Variants in SH3GLB2 observed in about 807,000 individuals in gnomAD.
SH3GLB2 encodes SH3 domain containing GRB2 like, endophilin B2.
Under a neutral mutation model 48.0 loss-of-function variants are expected in SH3GLB2, and 24 were observed. The ratio of observed to expected loss-of-function variants is 0.50; its 90% confidence interval spans 0.36 to 0.70. The LOEUF is 0.70. SH3GLB2 is among the 30% of genes least tolerant of loss of function. The probability of loss-of-function intolerance (pLI) is 0.00; values close to 1 mark genes in which losing one functional copy is unlikely to be tolerated. For missense variants in SH3GLB2, 425 were observed against 516.0 expected (o/e 0.82, Z 1.71); for synonymous variants, 227 against 207.6 (o/e 1.09, Z -0.80).
chr9:129,009,209 C>A lies in SH3GLB2; in HGVS notation c.977G>T (p.Cys326Phe). 6.2e-7 allele frequency: 1 copy of A among 1,608,816 alleles called. No homozygotes were observed. Among genetic ancestry groups the A allele is most frequent in the Non-Finnish European group, 8.5e-7 (1 of 1,178,210 alleles). The change falls in exon 10 of 11, where the codon TGC (cysteine) becomes TTC (phenylalanine). Residue 326 changes from cysteine to phenylalanine, a missense_variant. Physicochemically the swap from Cys to Phe is radical, Grantham distance 205. Coordinates refer to ENST00000372564, the MANE Select transcript of SH3GLB2 (RefSeq NM_020145.4). Reference protein sequence around the residue: ...SLAPPGEASLCLEEVAPPASG... With the variant: ...SLAPPGEASLFLEEVAPPASG... The stretch of plus-strand genomic sequence containing the variant: ...GGCAGGGGGGGCCACCTCTTCCAGG[C>A]AGAGCGAGGCCTCCCCCGGAGGGGC...
At chr9:129,012,511 A>C (rs1397095773) in intron 5 of SH3GLB2, 1 of 417,296 alleles carries the variant, frequency 2.4e-6, no homozygotes, top group Non-Finnish European at 4.2e-6. Context: ...ACAAAGATCA[A>C]GTGGCTGCAG....
intron 7 of SH3GLB2, 73 bp from the exon 8 acceptor site, chr9:129,010,282 T>C (rs1485758714): frequency 1.2e-5 from 16 of 1,318,608 alleles, no homozygotes; most frequent in East Asian, 2.3e-5. Context: ...TCCTGGAGCC[T>C]ACCTGGGAGC....
At position 129,015,565 on chromosome 9, in the gene SH3GLB2, G is replaced by A. The variant is rs185006941; in HGVS notation, c.335-661C>T. Among the ~76,000 whole-genome samples the A allele has an allele frequency of 8.5e-5, 13 of 152,186 alleles. No individual in the cohort carries two copies. The East Asian group carries it at 2.5e-3, about 29-fold the overall frequency. ...AGCCCGGGCAACATGGCAAAACCTT[G>A]TCTTTATAAAAAATAAATAGAAAAT... is the stretch of plus-strand genomic sequence containing the variant. On this transcript the variant is annotated intron_variant, in intron 3 of 10. Coordinates refer to ENST00000372564, the MANE Select transcript of SH3GLB2 (RefSeq NM_020145.4).
Position 129,008,693 on chromosome 9 carries a change from C to G in SH3GLB2, c.1179G>C (p.Leu393=). The change falls in exon 11 of 11, where the codon CTG becomes CTC. Residue 393 remains leucine (L), a synonymous_variant. Transcript: ENST00000372564. ...KGKVPVTYLE[L]LS The stretch of plus-strand genomic sequence containing the variant: ...GGATGGGGGCACCTGCCTAGCTGAG[C>G]AGTTCCAAGTAGGTGACAGGGACCT... 1 of 1,613,940 alleles carries G rather than the reference C, an allele frequency of 6.2e-7. No homozygotes were observed. The highest frequency in any genetic ancestry group is 8.5e-7 in the Non-Finnish European group (1 of 1,179,818).
intron 1 of SH3GLB2, among the ~76,000 whole-genome samples, chr9:129,027,351 G>A (rs1844218894): frequency 6.6e-6 from 1 of 152,182 alleles, no homozygotes. Context: ...CTGAGGCCCA[G>A]TGAGATGAAG....
At chr9:129,025,251 G>C (rs1215383134) in intron 1 of SH3GLB2, among the ~76,000 whole-genome samples, 2 of 128,108 alleles carry the variant, frequency 1.6e-5, no homozygotes, top group Non-Finnish European at 3.2e-5. Flanking sequence ...GCGTGACAGA[G>C]TGACTCCGTC....
At chr9:129,024,307 AT>A (rs1844006379) in intron 1 of SH3GLB2, among the ~76,000 whole-genome samples, 1 of 151,556 alleles carries the variant, frequency 6.6e-6, no homozygotes, top group Non-Finnish European at 1.5e-5. Flanking sequence ...TATGCCTATA[AT>A]CCCAGCACTT....
intron 3 of SH3GLB2, among the ~76,000 whole-genome samples, chr9:129,017,575 C>T (rs761992338): frequency 7.2e-5 from 11 of 151,798 alleles, no homozygotes; most frequent in Admixed American, 2.0e-4. Context: ...ACCAGCCTGG[C>T]CAACATGGTG....
chr9:129,018,603 A>G (rs1843591230), intron 3 of SH3GLB2, among the ~76,000 whole-genome samples: 1 of 144,048 alleles, frequency 6.9e-6, no homozygotes, highest in South Asian at 2.2e-4. Flanking sequence ...GTTAAGTTAA[A>G]TTTACCTGAG....
At position 129,014,428 on chromosome 9, in the gene SH3GLB2, C is replaced by T. The variant is rs1843305862; in HGVS notation, c.544G>A (p.Ala182Thr). 3.2e-6 allele frequency: 5 copies of T among 1,550,140 alleles called. No individual in the cohort carries two copies. The highest frequency in any genetic ancestry group is 4.4e-6 in the Non-Finnish European group (5 of 1,147,058). The change falls in exon 5 of 11, where the codon GCA becomes ACA. Residue 182 changes from alanine to threonine, a missense_variant. Transcript: ENST00000372564. This position sits in a 1 kb window ranked among gnomAD's most constrained non-coding sequence, Gnocchi z 4.1. Reference protein sequence around the residue: ...CKARLKKAKAAEAKATTVPDF... With the variant: ...CKARLKKAKATEAKATTVPDF... ...ACACCTACCGTGGCTTTGGCTTCTG[C>T]AGCCTTGGCCTTCTTCAGCCTCGCT...
chr9:129,009,824 G>C lies in SH3GLB2; in HGVS notation c.786C>G (p.Thr262=). The C allele has an allele frequency of 3.7e-6, 6 of 1,614,070 alleles. No individual in the cohort carries two copies. The highest frequency in any genetic ancestry group is 5.1e-6 in the Non-Finnish European group (6 of 1,179,982). Residue 262 remains threonine, a synonymous_variant, in exon 9 of 11, where the codon ACC becomes ACG. Transcript: ENST00000372564. ...CLHEFVKSQT[T]YYAQCYRHML... The stretch of plus-strand genomic sequence containing the variant: ...TGTGGCGGTAGCACTGTGCGTAGTA[G>C]GTTGTCTGAGACTTGACGAACTCGT...
intron 3 of SH3GLB2, among the ~76,000 whole-genome samples, chr9:129,017,441 G>A (rs1843495965): frequency 6.6e-6 from 1 of 152,090 alleles, no homozygotes. Context: ...CATGAAACAA[G>A]TCTCAATAAA....
chr9:129,007,758 C>CA lies in SH3GLB2; in HGVS notation c.*925dup, dbSNP rs1168313075. On this transcript the variant is annotated 3_prime_UTR_variant, in exon 11 of 11. Coordinates refer to ENST00000372564, the MANE Select transcript of SH3GLB2 (RefSeq NM_020145.4). ...ACTTCTTGTGCTTGAACTGAACTGTCAGACGCATTCTACAGTCCGCTCCAC... is the reference window on the plus strand; with the variant it reads ...ACTTCTTGTGCTTGAACTGAACTGTCAAGACGCATTCTACAGTCCGCTCCAC... 6.6e-6 allele frequency: 1 copy of CA among 152,230 alleles called. No homozygotes were observed. Among genetic ancestry groups the CA allele is most frequent in the African/African-American group, 2.4e-5 (1 of 41,442 alleles). 9.4% of individuals were successfully genotyped at this position (152,230 alleles called of 1,614,324 possible).
intron 8 of SH3GLB2, 47 bp downstream of exon 8, chr9:129,010,073 G>A (rs371542870): frequency 6.4e-7 from 1 of 1,571,488 alleles, no homozygotes; most frequent in South Asian, 1.1e-5. Context: ...GGCACACCTG[G>A]TGCCTGCTGA....
In SH3GLB2 at chr9:129,014,347, C is replaced by G. The variant is rs764161578; in HGVS notation, c.561+64G>C. 55 of 1,460,158 alleles carry G rather than the reference C, an allele frequency of 3.8e-5. No individual in the cohort carries two copies. The highest frequency in any genetic ancestry group is 5.1e-5 in the Non-Finnish European group (55 of 1,070,404). 90.5% of individuals were successfully genotyped at this position (1,460,158 alleles called of 1,614,324 possible). On this transcript the variant is annotated intron_variant, in intron 5 of 10. Coordinates refer to ENST00000372564, the MANE Select transcript of SH3GLB2 (RefSeq NM_020145.4). The surrounding 1 kb of genome is among the most constrained non-coding windows in gnomAD (Gnocchi z 4.1). Reference sequence around the variant, plus strand: ...ATGCCAAATACCAGGTCCCTTCATGCCACCACCCCTTGGCTCCAGCCAGAG... The same window carrying G: ...ATGCCAAATACCAGGTCCCTTCATGGCACCACCCCTTGGCTCCAGCCAGAG...
At chr9:129,013,135 C>G in intron 5 of SH3GLB2, 1 of 1,204,674 alleles carries the variant, frequency 8.3e-7, no homozygotes, top group South Asian at 1.3e-5. Context: ...ACCAGGCGGT[C>G]GGGCGGAGGG....
intron 1 of SH3GLB2, 58 bp from the exon 2 acceptor site, chr9:129,022,481 G>T: frequency 7.1e-7 from 1 of 1,417,010 alleles, no homozygotes; most frequent in Non-Finnish European, 9.8e-7. Flanking sequence ...GGAGGTGGGG[G>T]AGTGGTGGGG....
intron 5 of SH3GLB2, chr9:129,012,954 C>T (rs544726235): frequency 1.7e-5 from 26 of 1,550,360 alleles, no homozygotes; most frequent in South Asian, 5.9e-5. Context: ...CGTGGGTCCA[C>T]GGGCAAGATG....
intron 6 of SH3GLB2, chr9:129,010,919 A>G: frequency 1.7e-6 from 1 of 593,896 alleles, no homozygotes; most frequent in East Asian, 2.8e-5. Flanking sequence ...AGCAGCCAGC[A>G]GGAGTCCTGC....
Sources: gnomAD v4.1 joint callset for allele counts (sites outside exome capture counted in the v4.1 genomes callset) on GRCh38, gnomAD v4.1.1 for gene constraint, Gnocchi (gnomAD v3.1) non-coding constraint, MANE v1.5 for transcripts, NCBI Gene and HGNC (gene_info 2026-07-23, HGNC 2026-07-21) for gene names.